SNX14: variants seen among roughly 807,000 people sequenced by gnomAD.
SNX14 encodes the protein sorting nexin 14, also known as sorting nexin-14.
In SNX14, 93 loss-of-function variants were observed where a neutral mutation model predicts 133.8. That is an observed-to-expected ratio of 0.70 (90% CI 0.59 to 0.83). The LOEUF (loss-of-function observed/expected upper bound fraction) is 0.83. SNX14 is among the 40% of genes least tolerant of loss of function. SNX14 has a pLI of 0.00. For missense variants in SNX14, 945 were observed against 1,094.9 expected (o/e 0.86, Z 1.93); for synonymous variants, 368 against 365.6 (o/e 1.01, Z -0.07).
At chr6:85,579,909 T>C (rs921720068) in intron 1 of SNX14, among the ~76,000 whole-genome samples, 1 of 152,182 alleles carries the variant, frequency 6.6e-6, no homozygotes, top group Non-Finnish European at 1.5e-5. Context: ...GGAGGGCATG[T>C]GAACTAGTGA....
intron 12 of SNX14, among the ~76,000 whole-genome samples, chr6:85,544,388 T>C (rs1255646582): frequency 6.6e-6 from 1 of 151,756 alleles, no homozygotes; most frequent in East Asian, 1.9e-4. Context: ...GGATATAAGA[T>C]TTGTGAGGCA....
At position 85,547,199 on chromosome 6, in the gene SNX14, T is replaced by C. The variant is rs1785932997; in HGVS notation, c.1021A>G (p.Arg341Gly). 6.2e-7 allele frequency: 1 copy of C among 1,614,146 alleles called. No homozygotes were observed. Among genetic ancestry groups the C allele is most frequent in the African/African-American group, 1.3e-5 (1 of 75,054 alleles). Residue 341 changes from arginine (R) to glycine (G), a missense_variant, in exon 12 of 29, where the codon AGA becomes GGA. Around this residue, in one of 3 missense-constraint regions of SNX14, gnomAD observed 514 missense variants for 538.8 expected, o/e 0.95. Coordinates refer to ENST00000314673, the MANE Select transcript of SNX14 (RefSeq NM_153816.6). ...CGAAATAAAAGATCTTGTTGCTCTC[T>C]GATTTGCTTCAATTCTAACTTCAGC... The part of the protein sequence containing the change: ...SVLKLELKQI[R>G]EQQDLLFRFM...
chr6:85,591,647 G>T (rs1802786306), intron 1 of SNX14, among the ~76,000 whole-genome samples: 1 of 152,114 alleles, frequency 6.6e-6, no homozygotes, highest in East Asian at 1.9e-4. Context: ...CTACTAGATG[G>T]CTCTCCTACC....
chr6:85,526,688 A>G (rs943653954), intron 20 of SNX14, among the ~76,000 whole-genome samples: 2 of 152,256 alleles, frequency 1.3e-5, no homozygotes, highest in East Asian at 3.8e-4. Context: ...AAAAGTCGGC[A>G]TAAAGGGTTT....
In SNX14 at chr6:85,572,374, GCT is replaced by G; in HGVS notation, c.262-2_262-1del. 1.2e-6 allele frequency: 2 copies of G among 1,608,558 alleles called. No homozygotes were observed. The highest frequency in any genetic ancestry group is 1.7e-6 in the Non-Finnish European group (2 of 1,177,970). On this transcript the variant is annotated splice_acceptor_variant, in intron 2 of 28. Coordinates refer to ENST00000314673, the MANE Select transcript of SNX14 (RefSeq NM_153816.6). LOFTEE classifies it high-confidence loss of function. ...GGAAATAATTCCTGAAGTCCTAACT[GCT>G]AAAAAAGGAAAATGAGAGGTGGTGG...
At chr6:85,582,595 T>G (rs1264490039) in intron 1 of SNX14, among the ~76,000 whole-genome samples, 1 of 151,948 alleles carries the variant, frequency 6.6e-6, no homozygotes, top group Non-Finnish European at 1.5e-5. Flanking sequence ...ATAAAGGGGA[T>G]ATCATCACTG....
intron 1 of SNX14, among the ~76,000 whole-genome samples, chr6:85,591,344 G>A (rs1250250482): frequency 6.6e-6 from 1 of 151,900 alleles, no homozygotes; most frequent in African/African-American, 2.4e-5. Flanking sequence ...CTGGAAAAGG[G>A]ATACATAATC....
chr6:85,513,691 T>C (rs1773753799), intron 26 of SNX14, 109 bp downstream of exon 26: 4 of 765,766 alleles, frequency 5.2e-6, no homozygotes, highest in Non-Finnish European at 6.2e-6. Flanking sequence ...TGCAACTATT[T>C]GTAAAATGAA....
intron 12 of SNX14, among the ~76,000 whole-genome samples, chr6:85,544,722 T>A (rs1286063126): frequency 2.0e-5 from 3 of 152,146 alleles, no homozygotes; most frequent in Admixed American, 1.3e-4. Context: ...GCTCAGGAAG[T>A]TGAGGCTGTA....
chr6:85,534,855 A>G (rs977701263), intron 17 of SNX14, among the ~76,000 whole-genome samples: 4 of 150,696 alleles, frequency 2.7e-5, no homozygotes, highest in Non-Finnish European at 5.9e-5. Flanking sequence ...TTTTAAAGAA[A>G]ATCACCAAAC....
chr6:85,550,557 GGT>G (rs1787407445), intron 7 of SNX14, among the ~76,000 whole-genome samples: 1 of 151,994 alleles, frequency 6.6e-6, no homozygotes, highest in Non-Finnish European at 1.5e-5. Flanking sequence ...GATATGCACT[GGT>G]GTGATCTCAG....
Position 85,547,532 on chromosome 6 carries a change from G to A in SNX14, c.886C>T (p.Leu296Phe), listed in dbSNP as rs761885585. 1.2e-6 allele frequency: 2 copies of A among 1,603,298 alleles called. No homozygotes were observed. Among genetic ancestry groups the A allele is most frequent in the African/African-American group, 2.7e-5 (2 of 74,482 alleles). ...LADPDTVNHL[L>F]IIFIDDSPPE... ...GGACTGTCATCTATGAAGATGATAA[G>A]CAAATGATTCACAGTATCCTAGTGG... is the stretch of plus-strand genomic sequence containing the variant. Residue 296 changes from leucine to phenylalanine, a missense_variant, in exon 10 of 29, where the codon CTT becomes TTT. Physicochemically the swap from Leu to Phe is conservative, Grantham distance 22. Around this residue, in one of 3 missense-constraint regions of SNX14, gnomAD observed 514 missense variants for 538.8 expected, o/e 0.95. Transcript: ENST00000314673.
At chr6:85,542,696 T>C (rs1784194846) in intron 14 of SNX14, among the ~76,000 whole-genome samples, 1 of 152,054 alleles carries the variant, frequency 6.6e-6, no homozygotes, top group Non-Finnish European at 1.5e-5. Flanking sequence ...ACCCGGCCTT[T>C]GCAATTATTT....
chr6:85,583,399 C>T (rs1799657302), intron 1 of SNX14, among the ~76,000 whole-genome samples: 1 of 152,134 alleles, frequency 6.6e-6, no homozygotes, highest in Non-Finnish European at 1.5e-5. Context: ...AAGTTCTGGC[C>T]AGGGCAATCA....
chr6:85,565,447 A>T (rs746426662), intron 5 of SNX14, 28 bp from the exon 6 acceptor site: 17 of 1,509,236 alleles, frequency 1.1e-5, no homozygotes, highest in Admixed American at 5.9e-5. Flanking sequence ...ACAAATATTC[A>T]GAAGTTCAGA....
intron 26 of SNX14, among the ~76,000 whole-genome samples, chr6:85,509,749 G>A (rs1772134627): frequency 6.6e-6 from 1 of 152,136 alleles, no homozygotes; most frequent in Non-Finnish European, 1.5e-5. Flanking sequence ...TGGACAAATA[G>A]ATGATGATAT....
intron 5 of SNX14, among the ~76,000 whole-genome samples, chr6:85,567,179 G>C (rs540258867): frequency 1.3e-5 from 2 of 152,282 alleles, no homozygotes; most frequent in Admixed American, 1.3e-4. Context: ...CACAGCCTAA[G>C]TTTTCTTCCT....
In SNX14 at chr6:85,505,532, T is replaced by C. The variant is rs1055008005; in HGVS notation, c.*435A>G. The C allele has an allele frequency of 3.0e-5, 5 of 167,502 alleles. No homozygotes were observed. The highest frequency in any genetic ancestry group is 6.3e-5 in the Non-Finnish European group (5 of 79,494). 10.4% of individuals were successfully genotyped at this position (167,502 alleles called of 1,614,324 possible). On this transcript the variant is annotated 3_prime_UTR_variant, in exon 29 of 29. Coordinates refer to ENST00000314673, the MANE Select transcript of SNX14 (RefSeq NM_153816.6). ...AAACTCATATAGGATGCTTTATTTA[T>C]AGATACACAGTTAACTATGTACAAA...
chr6:85,507,919 G>A (rs368110783), intron 27 of SNX14, 49 bp downstream of exon 27: 86 of 1,497,038 alleles, frequency 5.7e-5, no homozygotes, highest in African/African-American at 1.4e-4. Flanking sequence ...TTACTACGTC[G>A]TTCACCAAAC....
Sources: allele counts gnomAD v4.1 joint callset (sites outside exome capture counted in the v4.1 genomes callset), GRCh38; gene constraint gnomAD v4.1.1; regional missense constraint gnomAD v4.1.1; transcripts MANE v1.5; gene names NCBI Gene and HGNC (gene_info 2026-07-23, HGNC 2026-07-21).